Variants in PRKD1 observed in about 807,000 individuals in gnomAD.
PRKD1 encodes the protein protein kinase D1.
PRKD1 carries 63 observed loss-of-function variants against 95.9 expected under a neutral mutation model. The ratio of observed to expected loss-of-function variants is 0.66; its 90% CI spans 0.54 to 0.81. The LOEUF (loss-of-function observed/expected upper bound fraction) is 0.81, where lower values mean the gene tolerates loss of function less well. PRKD1 is among the 30% of genes least tolerant of loss of function. The probability of loss-of-function intolerance (pLI) is 0.00; values close to 1 mark genes in which losing one functional copy is unlikely to be tolerated. For missense variants in PRKD1, 1,048 were observed against 1,165.3 expected, an observed-to-expected ratio of 0.90 and a Z score of 1.47; for synonymous variants, 425 against 423.1, an observed-to-expected ratio of 1.00 and a Z score of -0.05.
At chr14:29,582,513 T>C (rs1412215987) in intron 16 of PRKD1, among the ~76,000 whole-genome samples, 1 of 152,198 alleles carries the variant, frequency 6.6e-6, no homozygotes, top group Non-Finnish European at 1.5e-5. Context: ...GTTTCTTCAA[T>C]ATGTAGTGTG....
chr14:29,613,560 C>G (rs1396650891), intron 13 of PRKD1, among the ~76,000 whole-genome samples: 3 of 152,196 alleles, frequency 2.0e-5, no homozygotes, highest in African/African-American at 7.2e-5. Flanking sequence ...GAGTGCCTTC[C>G]AGGGGCCAGG....
intron 1 of PRKD1, among the ~76,000 whole-genome samples, chr14:29,866,638 G>A (rs1300807056): frequency 6.6e-6 from 1 of 152,184 alleles, no homozygotes; most frequent in Non-Finnish European, 1.5e-5. Flanking sequence ...GGGGATGGGG[G>A]CAGTGCAGAA....
At chr14:29,620,762 G>A (rs1185835093) in intron 13 of PRKD1, among the ~76,000 whole-genome samples, 1 of 152,194 alleles carries the variant, frequency 6.6e-6, no homozygotes, top group African/African-American at 2.4e-5. Context: ...GTGGAAGTCA[G>A]TGTGGCGATT....
rs531971452 is a variant in PRKD1, at chr14:29,688,844, A to G, written c.404-22636T>C. Among the ~76,000 whole-genome samples, 37 of 151,260 alleles carry G rather than the reference A, an allele frequency of 2.4e-4. No individual in the cohort carries two copies. In the East Asian group the frequency reaches 7.1e-3, roughly 29 times the overall value. On this transcript the variant is annotated intron_variant, in intron 2 of 17. Transcript: ENST00000331968. Reference sequence around the variant, plus strand: ...GCTACTTGAGAGGCTGAGGCAGGAGAACTGTGTGAACCCGGGAGGTGGAGG... The same window carrying G: ...GCTACTTGAGAGGCTGAGGCAGGAGGACTGTGTGAACCCGGGAGGTGGAGG...
chr14:29,675,172 T>G (rs914459411), intron 2 of PRKD1, among the ~76,000 whole-genome samples: 1 of 152,228 alleles, frequency 6.6e-6, no homozygotes, highest in African/African-American at 2.4e-5. Context: ...CATGACTTCA[T>G]GAAGCCGACT....
At chr14:29,923,910 T>A (rs1413678179) in intron 1 of PRKD1, among the ~76,000 whole-genome samples, 2 of 152,134 alleles carry the variant, frequency 1.3e-5, no homozygotes, top group Non-Finnish European at 2.9e-5. Context: ...CTCTGGAATT[T>A]TTTTCCTTGC....
Position 29,856,454 on chromosome 14 carries a change from G to C in PRKD1, c.264+70795C>G, listed in dbSNP as rs145994689. 2.0e-3 allele frequency among the ~76,000 whole-genome samples: 302 copies of C among 152,248 alleles called. 4 individuals are homozygous for C. The South Asian group carries it at 0.029, about 15-fold the overall frequency. On this transcript the variant is annotated intron_variant, in intron 1 of 17. Coordinates refer to ENST00000331968, the MANE Select transcript of PRKD1 (RefSeq NM_002742.3). ...CACTAAAAACACAGATTTCTCACTA[G>C]GTATTTTTATAGGGGATAAAAGTAA...
At chr14:29,628,611 A>C (rs1879781865) in intron 11 of PRKD1, among the ~76,000 whole-genome samples, 1 of 152,182 alleles carries the variant, frequency 6.6e-6, no homozygotes, top group Admixed American at 6.5e-5. Context: ...CTATAAGAGC[A>C]TTTGCAACTC....
chr14:29,891,359 CA>C (rs1893931409), intron 1 of PRKD1, among the ~76,000 whole-genome samples: 1 of 152,094 alleles, frequency 6.6e-6, no homozygotes, highest in Non-Finnish European at 1.5e-5. Flanking sequence ...AATTCAGTAG[CA>C]AAAACCAAAA....
chr14:29,677,961 A>G (rs1038520140), intron 2 of PRKD1, among the ~76,000 whole-genome samples: 3 of 152,198 alleles, frequency 2.0e-5, no homozygotes, highest in Non-Finnish European at 4.4e-5. Context: ...TATTATTTTA[A>G]AAGGGGACAT....
At chr14:29,723,670 C>CGTGT (rs58797570) in intron 2 of PRKD1, among the ~76,000 whole-genome samples, 8,800 of 149,598 alleles carry the variant, frequency 0.059, 377 homozygotes, top group East Asian at 0.26. Flanking sequence ...ATTGAGTGTG[C>CGTGT]GTGTGTGTGT....
chr14:29,896,364 G>GTA (rs536580927), intron 1 of PRKD1, among the ~76,000 whole-genome samples: 2,028 of 125,728 alleles, frequency 0.016, 26 homozygotes, highest in African/African-American at 0.062. Flanking sequence ...GCATGTGTGT[G>GTA]TACACACACA....
intron 13 of PRKD1, among the ~76,000 whole-genome samples, chr14:29,607,714 G>A (rs1316157938): frequency 2.6e-5 from 4 of 152,010 alleles, no homozygotes; most frequent in African/African-American, 7.2e-5. Context: ...TGCTTTTAGG[G>A]GCTCATGTCA....
intron 1 of PRKD1, among the ~76,000 whole-genome samples, chr14:29,785,792 T>G (rs1303562485): frequency 6.6e-6 from 1 of 150,792 alleles, no homozygotes; most frequent in Non-Finnish European, 1.5e-5. Flanking sequence ...CTTCACATTG[T>G]GCACATGTAC....
intron 1 of PRKD1, among the ~76,000 whole-genome samples, chr14:29,799,076 T>G (rs1024869008): frequency 6.6e-6 from 1 of 152,204 alleles, no homozygotes; most frequent in Non-Finnish European, 1.5e-5. Flanking sequence ...GCAAAGAAAT[T>G]TGCACATACT....
At chr14:29,656,496 G>A in intron 4 of PRKD1, 1 of 1,535,796 alleles carries the variant, frequency 6.5e-7, no homozygotes, top group Non-Finnish European at 8.7e-7. Flanking sequence ...GGACTCACAG[G>A]AGACTGAAAC....
At position 29,727,780 on chromosome 14, in the gene PRKD1, AC is replaced by A. The variant is rs551190503; in HGVS notation, c.265-2107del. Among the ~76,000 whole-genome samples, 10 of 152,080 alleles carry A rather than the reference AC, an allele frequency of 6.6e-5. 1 individual carries two copies. The South Asian group carries it at 1.9e-3, about 28-fold the overall frequency. On this transcript the variant is annotated intron_variant, in intron 1 of 17. Transcript: ENST00000331968. ...CAACCCAAATGTCCAACAATGATAG[AC>A]TGGATTAAGACAATGTGGCACATAT...
chr14:29,624,528 A>G (rs911560410), intron 12 of PRKD1, among the ~76,000 whole-genome samples: 11 of 152,166 alleles, frequency 7.2e-5, no homozygotes, highest in Non-Finnish European at 1.3e-4. Flanking sequence ...TTCATAAAAT[A>G]TATGTTTTAG....
At chr14:29,629,179 T>A (rs1399597775) in intron 10 of PRKD1, 86 bp from the exon 11 acceptor site, 2 of 1,128,890 alleles carry the variant, frequency 1.8e-6, no homozygotes, top group African/African-American at 3.2e-5. Flanking sequence ...TTACAAATCA[T>A]CCTGCAAAAG....
Sources: gnomAD v4.1 joint callset for allele counts (sites outside exome capture counted in the v4.1 genomes callset) on GRCh38, gnomAD v4.1.1 for gene constraint, MANE v1.5 for transcripts, NCBI Gene and HGNC (gene_info 2026-07-23, HGNC 2026-07-21) for gene names.